TASP1: variants seen among roughly 807,000 people sequenced by gnomAD.
TASP1 encodes the protein taspase 1, also known as threonine aspartase 1.
A neutral mutation model predicts 56.6 loss-of-function variants in TASP1; 16 were observed. The observed-to-expected ratio is 0.28, with a 90% CI of 0.19 to 0.43. The LOEUF (loss-of-function observed/expected upper bound fraction) is 0.43. Ranked by LOEUF, TASP1 falls within the 20% of genes least tolerant of loss-of-function variation. The pLI, the probability that TASP1 is intolerant of heterozygous loss-of-function variation, is 1.00. For synonymous variants in TASP1, 179 were observed against 184.2 expected, an observed-to-expected ratio of 0.97 and a Z score of 0.23; for missense variants, 393 against 511.6, an observed-to-expected ratio of 0.77 and a Z score of 2.24.
the TASP1 span, among the ~76,000 whole-genome samples, chr20:13,350,123 G>C: frequency 6.6e-6 from 1 of 152,064 alleles, no homozygotes. Context: ...ACAGAGCAAA[G>C]TCCTGTCTCA....
chr20:13,181,086 G>A, the TASP1 span, among the ~76,000 whole-genome samples: 14 of 152,142 alleles, frequency 9.2e-5, no homozygotes, highest in African/African-American at 3.4e-4. Context: ...GCATCCCTCT[G>A]GTTAAAGATT....
the TASP1 span, among the ~76,000 whole-genome samples, chr20:13,128,667 G>C: frequency 2.0e-5 from 3 of 151,886 alleles, no homozygotes; most frequent in Admixed American, 2.0e-4. Flanking sequence ...ATTTTGGAGG[G>C]GGAGGAGGTT....
chr20:13,516,746 G>T (rs2044553885), intron 10 of TASP1, among the ~76,000 whole-genome samples: 1 of 148,212 alleles, frequency 6.7e-6, no homozygotes, highest in Non-Finnish European at 1.5e-5. Context: ...ACAAAGCAAT[G>T]CAAAGTAAGT....
At chr20:13,311,438 A>G in the TASP1 span, among the ~76,000 whole-genome samples, 3 of 152,330 alleles carry the variant, frequency 2.0e-5, no homozygotes, top group East Asian at 3.9e-4. Flanking sequence ...TCCTGGGTAT[A>G]TATCCAAAGA....
chr20:13,399,577 A>G (rs1001065075), intron 13 of TASP1, among the ~76,000 whole-genome samples: 3 of 152,186 alleles, frequency 2.0e-5, no homozygotes, highest in Non-Finnish European at 2.9e-5. Context: ...ACCCAACAGC[A>G]AATCCCATTG....
chr20:13,239,052 A>G, the TASP1 span: 1 of 152,228 alleles, frequency 6.6e-6, no homozygotes. Flanking sequence ...TGCAATTCCG[A>G]AGACATCATG....
At chr20:13,400,887 A>G (rs2041712505) in intron 13 of TASP1, among the ~76,000 whole-genome samples, 1 of 152,072 alleles carries the variant, frequency 6.6e-6, no homozygotes, top group Non-Finnish European at 1.5e-5. Context: ...CAGAACAAGC[A>G]CTCCAAGATG....
intron 8 of TASP1, among the ~76,000 whole-genome samples, chr20:13,541,161 A>T (rs1403226066): frequency 6.6e-6 from 1 of 152,188 alleles, no homozygotes; most frequent in Non-Finnish European, 1.5e-5. Context: ...TCCAGCACTG[A>T]TAGAAAACAA....
chr20:13,425,556 T>C lies in TASP1; in HGVS notation c.1097-8035A>G, dbSNP rs2042591323. Among the ~76,000 whole-genome samples the C allele has an allele frequency of 2.0e-5, 3 of 152,310 alleles. No individual in the cohort carries two copies. The South Asian group carries it at 6.2e-4, about 32-fold the overall frequency. ...GCTTAGCTTCACATCCCAGACTTGC[T>C]TGCAAGGAAAACAGAACTCCAAAAT... On this transcript the variant is annotated intron_variant, in intron 12 of 13. Transcript: ENST00000337743.
the TASP1 span, among the ~76,000 whole-genome samples, chr20:13,310,333 T>C: frequency 0.65 from 98,933 of 152,002 alleles, 32,531 homozygotes; most frequent in African/African-American, 0.74. Context: ...GAAAGGGTGG[T>C]CTCTTCAATA....
intron 10 of TASP1, among the ~76,000 whole-genome samples, chr20:13,494,611 G>T (rs1424695637): frequency 6.6e-6 from 1 of 152,044 alleles, no homozygotes; most frequent in Non-Finnish European, 1.5e-5. Context: ...AAGTGATTTG[G>T]AAGAACTAAG....
chr20:13,448,336 T>C (rs2043488096), intron 11 of TASP1, among the ~76,000 whole-genome samples: 1 of 152,144 alleles, frequency 6.6e-6, no homozygotes, highest in African/African-American at 2.4e-5. Context: ...GATGAAATTA[T>C]TCCTATATAA....
chr20:13,454,062 GA>G (rs75730286), intron 11 of TASP1, among the ~76,000 whole-genome samples: 13,449 of 138,146 alleles, frequency 0.097, 1,117 homozygotes, highest in African/African-American at 0.24. Flanking sequence ...AATTGAGGGG[GA>G]AAAAAAAAAA....
the TASP1 span, among the ~76,000 whole-genome samples, chr20:13,223,707 G>T: frequency 1.3e-3 from 192 of 152,288 alleles, no homozygotes; most frequent in African/African-American, 4.4e-3. Context: ...CAGACTGAGG[G>T]AATTTCTATG....
the TASP1 span, among the ~76,000 whole-genome samples, chr20:13,268,054 T>C: frequency 6.6e-6 from 1 of 152,210 alleles, no homozygotes; most frequent in Admixed American, 6.5e-5. Context: ...TATCTCCCCT[T>C]TGGGATGTCA....
At chr20:13,582,206 A>G (rs1159716870) in intron 5 of TASP1, among the ~76,000 whole-genome samples, 1 of 151,850 alleles carries the variant, frequency 6.6e-6, no homozygotes, top group Non-Finnish European at 1.5e-5. Flanking sequence ...ATGATTCAAT[A>G]TTGTAAAGAC....
chr20:13,561,513 G>A (rs535125477), intron 7 of TASP1, among the ~76,000 whole-genome samples: 12 of 152,048 alleles, frequency 7.9e-5, no homozygotes, highest in African/African-American at 1.9e-4. Context: ...TTACAGGCAC[G>A]TGCCACCACG....
At chr20:13,137,729 A>C in the TASP1 span, among the ~76,000 whole-genome samples, 1 of 152,232 alleles carries the variant, frequency 6.6e-6, no homozygotes, top group East Asian at 1.9e-4. Flanking sequence ...AATTGTTCTT[A>C]TCCTCACAAA....
chr20:13,515,472 G>A (rs1393253037), intron 10 of TASP1, among the ~76,000 whole-genome samples: 3 of 145,214 alleles, frequency 2.1e-5, no homozygotes, highest in African/African-American at 7.7e-5. Flanking sequence ...CGAAAATGTA[G>A]AATCCCAAGA....
Sources: allele counts gnomAD v4.1 joint callset (sites outside exome capture counted in the v4.1 genomes callset), GRCh38; gene constraint gnomAD v4.1.1; transcripts MANE v1.5; gene names NCBI Gene and HGNC (gene_info 2026-07-23, HGNC 2026-07-21).